Variants in CDH23 observed in about 807,000 individuals in gnomAD.
The protein encoded by CDH23 is cadherin-23.
Under a neutral mutation model 317.1 loss-of-function variants are expected in CDH23, and 189 were observed. That is an observed-to-expected ratio of 0.60 (90% CI 0.53 to 0.67). CDH23 has a LOEUF of 0.67. Among genes scored for constraint, CDH23 ranks in the 30% least tolerant of loss-of-function variants. The pLI, the probability that CDH23 is intolerant of heterozygous loss-of-function variation, is 0.00. For missense variants in CDH23, 4,401 were observed against 4,592.4 expected, an observed-to-expected ratio of 0.96 and a Z score of 1.20; for synonymous variants, 1,839 against 1,876.8, an observed-to-expected ratio of 0.98 and a Z score of 0.52.
At chr10:71,408,471 C>T (rs184718697) in intron 1 of CDH23, among the ~76,000 whole-genome samples, 25 of 152,330 alleles carry the variant, frequency 1.6e-4, no homozygotes, top group Non-Finnish European at 3.4e-4. Flanking sequence ...TGATCTTCCT[C>T]ACTGCCCCCA....
chr10:71,493,362 A>G (rs1437252803), intron 3 of CDH23, among the ~76,000 whole-genome samples: 3 of 151,728 alleles, frequency 2.0e-5, no homozygotes, highest in African/African-American at 4.8e-5. Flanking sequence ...GTGTTCTCAG[A>G]CTCCACACTC....
chr10:71,421,404 G>T (rs560489314), intron 1 of CDH23, among the ~76,000 whole-genome samples: 1 of 152,254 alleles, frequency 6.6e-6, no homozygotes, highest in Non-Finnish European at 1.5e-5. Context: ...AGAAAGAGCC[G>T]AGTAAAATTC....
intron 6 of CDH23, among the ~76,000 whole-genome samples, chr10:71,536,195 G>C (rs1855691135): frequency 6.6e-6 from 1 of 152,270 alleles, no homozygotes; most frequent in African/African-American, 2.4e-5. Flanking sequence ...ATGGAGAGCA[G>C]GCTGTAGGTG....
intron 6 of CDH23, among the ~76,000 whole-genome samples, chr10:71,558,391 TC>T (rs1366923831): frequency 1.3e-5 from 2 of 152,234 alleles, no homozygotes; most frequent in Non-Finnish European, 2.9e-5. Flanking sequence ...TCCCATTTCA[TC>T]CCTTTGAATT....
rs547085258 is a variant in CDH23, at chr10:71,418,466, C to A, written c.-6+21148C>A. On this transcript the variant is annotated intron_variant, in intron 1 of 69. Transcript: ENST00000224721. ...TCTGAGTTCATGTCTCTGTGCCTCC[C>A]TCCTCTCTGGGATCTGGGATCCTCA... Among the ~76,000 whole-genome samples, 57 of 152,304 alleles carry A rather than the reference C, an allele frequency of 3.7e-4. 1 individual carries two copies. The highest frequency in any genetic ancestry group is 1.0e-3 in the Admixed American group (16 of 15,292).
intron 9 of CDH23, among the ~76,000 whole-genome samples, chr10:71,599,991 T>A (rs1260638215): frequency 8.9e-6 from 1 of 112,344 alleles, no homozygotes; most frequent in Admixed American, 8.5e-5. Context: ...ATGTCTTTCC[T>A]TTTTTTTTTT....
chr10:71,741,008 C>T, intron 37 of CDH23, 58 bp downstream of exon 37: 1 of 1,599,910 alleles, frequency 6.3e-7, no homozygotes. Context: ...TGGGCACGAG[C>T]CAACCATGCA....
At chr10:71,423,106 T>A (rs1340177258) in intron 1 of CDH23, among the ~76,000 whole-genome samples, 3 of 152,176 alleles carry the variant, frequency 2.0e-5, no homozygotes, top group African/African-American at 4.8e-5. Context: ...TCTGGAGCAA[T>A]CAGGGTGAAA....
chr10:71,408,390 A>C (rs1848207012), intron 1 of CDH23, among the ~76,000 whole-genome samples: 1 of 146,488 alleles, frequency 6.8e-6, no homozygotes, highest in African/African-American at 2.8e-5. Flanking sequence ...AGAGAGAGAA[A>C]GAGAGAGAAT....
chr10:71,459,166 CA>C (rs1435001033), intron 3 of CDH23, among the ~76,000 whole-genome samples: 1 of 145,410 alleles, frequency 6.9e-6, no homozygotes, highest in Non-Finnish European at 1.5e-5. Context: ...CAGCTCACTG[CA>C]ACCTCGACCT....
intron 32 of CDH23, 92 bp downstream of exon 32, chr10:71,732,467 A>G (rs747886493): frequency 6.6e-7 from 1 of 1,514,234 alleles, no homozygotes; most frequent in Non-Finnish European, 8.9e-7. Context: ...CCTCTTTGTC[A>G]TAAAATGTCC....
intron 1 of CDH23, among the ~76,000 whole-genome samples, chr10:71,406,353 A>G: frequency 6.6e-6 from 1 of 152,194 alleles, no homozygotes; most frequent in Non-Finnish European, 1.5e-5. Context: ...ATGCCAGAGT[A>G]TCATGGGCAC....
chr10:71,812,545 A>G lies in CDH23; in HGVS notation c.9446A>G (p.Glu3149Gly), dbSNP rs1239176399. ...GAGCTGGCCGCCCAGGCGGAGCATG[A>G]GGATGACCTACCGGAGAACCTGAGT... ...NLELAAQAEH[E>G]DDLPENLSEI... The change falls in exon 67 of 70, where the codon GAG (glutamate) becomes GGG (glycine). Residue 3149 changes from glutamate (E) to glycine (G), a missense_variant. Glu to Gly is a moderately conservative substitution (Grantham distance 98). Coordinates refer to ENST00000224721, the MANE Select transcript of CDH23 (RefSeq NM_022124.6). 6.2e-7 allele frequency: 1 copy of G among 1,610,786 alleles called. No individual in the cohort carries two copies. The highest frequency in any genetic ancestry group is 1.3e-5 in the African/African-American group (1 of 74,776).
At chr10:71,662,707 G>A (rs1863728798) in intron 14 of CDH23, among the ~76,000 whole-genome samples, 1 of 152,214 alleles carries the variant, frequency 6.6e-6, no homozygotes, top group East Asian at 1.9e-4. Flanking sequence ...CTCGATAACT[G>A]GCCCCAGAGA....
intron 9 of CDH23, among the ~76,000 whole-genome samples, chr10:71,587,383 T>C (rs975758850): frequency 2.0e-5 from 3 of 152,236 alleles, no homozygotes; most frequent in Non-Finnish European, 4.4e-5. Context: ...TGAGTACTTA[T>C]TGAGTGGCTA....
chr10:71,766,655 C>G (rs1182405044), intron 38 of CDH23, among the ~76,000 whole-genome samples: 1 of 152,188 alleles, frequency 6.6e-6, no homozygotes, highest in African/African-American at 2.4e-5. Context: ...TGCTGAGCAT[C>G]TTATACCTGT....
At chr10:71,425,232 GGAGAGAGAGAGA>G (rs748338206) in intron 1 of CDH23, among the ~76,000 whole-genome samples, 68 of 73,964 alleles carry the variant, frequency 9.2e-4, no homozygotes, top group Middle Eastern at 0.013. Flanking sequence ...AGAGAGAGAG[GGAGAGAGAGAGA>G]GAGAGAGAGA....
chr10:71,755,464 T>C lies in CDH23; in HGVS notation c.4845+13543T>C, dbSNP rs114058651. 3,623 of 1,610,288 alleles carry C rather than the reference T, an allele frequency of 2.2e-3. 75 individuals are homozygous for C. The African/African-American group carries it at 0.042, about 19-fold the overall frequency. On this transcript the variant is annotated intron_variant, in intron 38 of 69. Coordinates refer to ENST00000224721, the MANE Select transcript of CDH23 (RefSeq NM_022124.6). ...CCCGTAGCCAGGGCTGCAGCCGTGA[T>C]GTCTGAAAGGGCAGAGAGGTAGCCA...
At chr10:71,764,447 G>A (rs888797216) in intron 38 of CDH23, among the ~76,000 whole-genome samples, 4 of 152,088 alleles carry the variant, frequency 2.6e-5, no homozygotes, top group Non-Finnish European at 5.9e-5. Context: ...GCCACATCCA[G>A]CCTTCACACA....
Sources: allele counts gnomAD v4.1 joint callset (sites outside exome capture counted in the v4.1 genomes callset), GRCh38; gene constraint gnomAD v4.1.1; transcripts MANE v1.5; gene names NCBI Gene and HGNC (gene_info 2026-07-23, HGNC 2026-07-21).